PHC2: variants seen among roughly 807,000 people sequenced by gnomAD.
PHC2 encodes the protein polyhomeotic homolog 2, also known as polyhomeotic-like protein 2.
A neutral mutation model predicts 87.4 loss-of-function variants in PHC2; 29 were observed. That is an observed-to-expected ratio of 0.33 (90% CI 0.25 to 0.45). The LOEUF (loss-of-function observed/expected upper bound fraction) is 0.45, where lower values mean the gene tolerates loss of function less well. Ranked by LOEUF, PHC2 falls within the 20% of genes least tolerant of loss-of-function variation. The pLI is 1.00. For synonymous variants in PHC2, 438 were observed against 461.7 expected, an observed-to-expected ratio of 0.95 and a Z score of 0.66; for missense variants, 857 against 1,136.7, an observed-to-expected ratio of 0.75 and a Z score of 3.54.
In PHC2 at chr1:33,339,409, C is replaced by T. The variant is rs143749890; in HGVS notation, c.1559-5117G>A. ...GGCTGGTGGTACCTGCCTACCGGAGCGGCATTTCTAGATACCTGATTATGA... is the reference window on the plus strand; with the variant it reads ...GGCTGGTGGTACCTGCCTACCGGAGTGGCATTTCTAGATACCTGATTATGA... On this transcript the variant is annotated intron_variant, in intron 9 of 14. Transcript: ENST00000683057. Among the ~76,000 whole-genome samples, 376 of 152,190 alleles carry T rather than the reference C, an allele frequency of 2.5e-3. 2 individuals carry two copies. Among genetic ancestry groups the T allele is most frequent in the Non-Finnish European group, 4.6e-3 (313 of 67,998 alleles).
chr1:33,341,835 T>C (rs147807546), intron 9 of PHC2, among the ~76,000 whole-genome samples: 1,821 of 152,368 alleles, frequency 0.012, 16 homozygotes, highest in Non-Finnish European at 0.021. Flanking sequence ...GGGAAAATTA[T>C]AGACCCTTCC....
chr1:33,370,980 G>T (rs752453804), intron 4 of PHC2, 37 bp downstream of exon 4: 1 of 1,564,674 alleles, frequency 6.4e-7, no homozygotes, highest in Non-Finnish European at 8.8e-7. Context: ...TGGTCCTGGG[G>T]CTGTGGACTC....
At chr1:33,389,237 C>T (rs1036711739) in intron 1 of PHC2, among the ~76,000 whole-genome samples, 1 of 151,992 alleles carries the variant, frequency 6.6e-6, no homozygotes, top group Non-Finnish European at 1.5e-5. Context: ...TAGATTCAAT[C>T]CCCCACGCAA....
At chr1:33,380,431 T>C (rs1648439607) in intron 1 of PHC2, among the ~76,000 whole-genome samples, 1 of 152,242 alleles carries the variant, frequency 6.6e-6, no homozygotes, top group African/African-American at 2.4e-5. Context: ...TATTAATATT[T>C]GTCCTTTTGT....
chr1:33,343,306 CA>C (rs559042047), intron 9 of PHC2, among the ~76,000 whole-genome samples: 112 of 137,800 alleles, frequency 8.1e-4, no homozygotes, highest in Admixed American at 8.6e-4. Context: ...AGTAAAAATA[CA>C]AAAAAAAAAA....
chr1:33,402,465 A>G (rs6659977), intron 1 of PHC2, among the ~76,000 whole-genome samples: 31,867 of 152,122 alleles, frequency 0.21, 5,665 homozygotes, highest in African/African-American at 0.49. Flanking sequence ...AAACTCTTGC[A>G]CATATTCATA....
chr1:33,393,576 C>T (rs911888118), intron 1 of PHC2, among the ~76,000 whole-genome samples: 1 of 151,204 alleles, frequency 6.6e-6, no homozygotes, highest in African/African-American at 2.4e-5. Flanking sequence ...CTGTGTGGAC[C>T]AGAACCATAT....
At chr1:33,370,299 C>A in intron 5 of PHC2, 122 bp downstream of exon 5, 6 of 903,548 alleles carry the variant, frequency 6.6e-6, no homozygotes, top group Non-Finnish European at 1.0e-5. Flanking sequence ...TTATCCCACC[C>A]CTTATCTCCT....
rs1395393467 is a variant in PHC2 at position 33,425,381 on chromosome 1, A to G, written c.-55+5595T>C. On this transcript the variant is annotated intron_variant, in intron 1 of 14. Coordinates refer to ENST00000683057, the MANE Select transcript of PHC2 (RefSeq NM_001385109.1). ...AATATACCTACGTTTTATAAAGAAT[A>G]AAGTGAAAGCCGATAAAGGTATGAG... 2.0e-5 allele frequency among the ~76,000 whole-genome samples: 3 copies of G among 152,232 alleles called. No homozygotes were observed. The East Asian group carries it at 5.8e-4, about 29-fold the overall frequency.
intron 1 of PHC2, among the ~76,000 whole-genome samples, chr1:33,402,110 C>G (rs959112725): frequency 5.9e-5 from 9 of 151,970 alleles, no homozygotes; most frequent in African/African-American, 1.9e-4. Context: ...ACCTATAACT[C>G]AAAAGTAAAA....
chr1:33,386,784 G>A (rs927802307), intron 1 of PHC2, among the ~76,000 whole-genome samples: 4 of 151,910 alleles, frequency 2.6e-5, no homozygotes, highest in African/African-American at 4.8e-5. Context: ...CACACAGTGC[G>A]CACACACATC....
At chr1:33,335,746 A>G (rs899776325) in intron 9 of PHC2, among the ~76,000 whole-genome samples, 11 of 152,058 alleles carry the variant, frequency 7.2e-5, no homozygotes, top group African/African-American at 2.7e-4. Context: ...CTAAGAATAC[A>G]AAAATTATCC....
chr1:33,367,788 G>T (rs1010123298), intron 6 of PHC2, among the ~76,000 whole-genome samples: 1 of 152,172 alleles, frequency 6.6e-6, no homozygotes, highest in Non-Finnish European at 1.5e-5. Flanking sequence ...AATTCCCAGT[G>T]AGGGGGAGCA....
chr1:33,356,546 C>T (rs4652857), intron 7 of PHC2, among the ~76,000 whole-genome samples: 91,452 of 149,822 alleles, frequency 0.61, 29,020 homozygotes, highest in African/African-American at 0.82. Context: ...CATCTTGCAC[C>T]GCCCTTAATC....
At chr1:33,358,950 T>C (rs1647144051) in intron 7 of PHC2, 1 of 152,176 alleles carries the variant, frequency 6.6e-6, no homozygotes, top group Non-Finnish European at 1.5e-5. Flanking sequence ...AGAAGTCAAG[T>C]GTGAGCTCTT....
intron 1 of PHC2, among the ~76,000 whole-genome samples, chr1:33,381,765 A>G (rs989995036): frequency 1.3e-5 from 2 of 151,664 alleles, no homozygotes; most frequent in Middle Eastern, 3.2e-3. Context: ...TAATTCCCTA[A>G]TTGTTAATTA....
At chr1:33,388,890 G>A (rs755650517) in intron 1 of PHC2, among the ~76,000 whole-genome samples, 7 of 152,098 alleles carry the variant, frequency 4.6e-5, no homozygotes, top group Non-Finnish European at 8.8e-5. Context: ...TGGAGCTCAT[G>A]TCCAGGTTGT....
chr1:33,372,812 A>G (rs983624306), intron 2 of PHC2, among the ~76,000 whole-genome samples: 2 of 151,820 alleles, frequency 1.3e-5, no homozygotes, highest in African/African-American at 4.8e-5. Context: ...CTTGTCAGGC[A>G]CTCCTCTCCC....
At chr1:33,372,032 TG>T (rs1647877456) in intron 3 of PHC2, among the ~76,000 whole-genome samples, 1 of 151,926 alleles carries the variant, frequency 6.6e-6, no homozygotes, top group Admixed American at 6.5e-5. Context: ...TGCGGTAAGG[TG>T]GTTAGGAGAG....
Sources: gnomAD v4.1 joint callset for allele counts (sites outside exome capture counted in the v4.1 genomes callset) on GRCh38, gnomAD v4.1.1 for gene constraint, MANE v1.5 for transcripts, NCBI Gene and HGNC (gene_info 2026-07-23, HGNC 2026-07-21) for gene names.